STAT5A: variants seen among roughly 807,000 people sequenced by gnomAD.
The protein encoded by STAT5A is signal transducer and activator of transcription 5A.
A neutral mutation model predicts 100.2 loss-of-function variants in STAT5A; 26 were observed. The ratio of observed to expected loss-of-function variants is 0.26; its 90% CI spans 0.19 to 0.36. The LOEUF is 0.36. STAT5A is among the 10% of genes least tolerant of loss of function. The pLI is 1.00. For missense variants in STAT5A, 634 were observed against 1,027.5 expected (o/e 0.62, Z 5.24); for synonymous variants, 330 against 424.3 (o/e 0.78, Z 2.73).
In STAT5A at chr17:42,304,438, G is replaced by T. The variant is rs376624827; in HGVS notation, c.1257+9G>T. 6.2e-7 allele frequency: 1 copy of T among 1,614,212 alleles called. No individual in the cohort carries two copies. Among genetic ancestry groups the T allele is most frequent in the Non-Finnish European group, 8.5e-7 (1 of 1,180,028 alleles). On this transcript the variant is annotated intron_variant, in intron 10 of 18. Transcript: ENST00000590949. The surrounding 1 kb of genome is among the most constrained non-coding windows in gnomAD (Gnocchi z 4.8). ...CCCACTTCAGGAACATGGTGAGGAC[G>T]GGGCCCACCCTCGGAGGGCAGGTCT...
chr17:42,295,210 G>T (rs910646806), intron 4 of STAT5A, among the ~76,000 whole-genome samples: 6 of 152,096 alleles, frequency 3.9e-5, no homozygotes, highest in African/African-American at 1.4e-4. Flanking sequence ...GCAGTCCATG[G>T]TATTGAGTCA....
chr17:42,289,674 T>G, intron 2 of STAT5A, 135 bp downstream of exon 2: 1 of 1,430,950 alleles, frequency 7.0e-7, no homozygotes, highest in Admixed American at 2.7e-5. Context: ...GTGGTGCCCC[T>G]GGGAAAGGGG....
chr17:42,298,621 G>A (rs112225198), intron 5 of STAT5A, among the ~76,000 whole-genome samples: 13,793 of 151,932 alleles, frequency 0.091, 706 homozygotes, highest in African/African-American at 0.11. Flanking sequence ...ACAGGCACCC[G>A]CCACCATGCC....
At chr17:42,305,763 GC>G in intron 12 of STAT5A, 61 bp downstream of exon 12, 1 of 1,561,844 alleles carries the variant, frequency 6.4e-7, no homozygotes, top group Non-Finnish European at 8.8e-7. Context: ...CCTGGGGTCA[GC>G]CCCACCCCTT....
chr17:42,292,971 G>C (rs1486729002), intron 4 of STAT5A, among the ~76,000 whole-genome samples: 2 of 152,078 alleles, frequency 1.3e-5, no homozygotes, highest in Non-Finnish European at 2.9e-5. Flanking sequence ...ATACCTATCT[G>C]TGTCAGAAGA....
At chr17:42,306,045 T>C (rs1883058212) in intron 12 of STAT5A, 196 bp from the exon 13 acceptor site, 1 of 938,394 alleles carries the variant, frequency 1.1e-6, no homozygotes, top group Middle Eastern at 2.2e-4. Flanking sequence ...CCTGCATCGG[T>C]TTTCTTCCCT....
rs773148161 is a variant in STAT5A, at chr17:42,309,106, T to TC, written c.2114+10dup. On this transcript the variant is annotated intron_variant, in intron 17 of 18. Coordinates refer to ENST00000590949, the MANE Select transcript of STAT5A (RefSeq NM_001288718.2). Reference sequence around the variant, plus strand: ...CAAGCAAGTGGTCCCTGAGTAAGTGTCCAGGTGGCTGTGGCTCTCCTTCTG... The same window carrying TC: ...CAAGCAAGTGGTCCCTGAGTAAGTGTCCCAGGTGGCTGTGGCTCTCCTTCTG... 61 of 1,613,870 alleles carry TC rather than the reference T, an allele frequency of 3.8e-5. No homozygotes were observed. Among genetic ancestry groups the TC allele is most frequent in the Admixed American group, 8.3e-5 (5 of 60,008 alleles).
chr17:42,294,503 A>C (rs988934280), intron 4 of STAT5A, among the ~76,000 whole-genome samples: 1 of 152,198 alleles, frequency 6.6e-6, no homozygotes, highest in Non-Finnish European at 1.5e-5. Context: ...ATCCTTGTGC[A>C]GGGAGACAGA....
Position 42,288,754 on chromosome 17 carries a change from G to T in STAT5A, c.-11+156G>T, listed in dbSNP as rs1000753273. The stretch of plus-strand genomic sequence containing the variant: ...AGTTGGCCCAGCGCAGACGAGGGAC[G>T]GGGGGACGTGGGGACAGGGGTCGGG... On this transcript the variant is annotated intron_variant, in intron 1 of 18. Coordinates refer to ENST00000590949, the MANE Select transcript of STAT5A (RefSeq NM_001288718.2). This position sits in a 1 kb window ranked among gnomAD's most constrained non-coding sequence, Gnocchi z 4.8. 2.0e-5 allele frequency among the ~76,000 whole-genome samples: 3 copies of T among 152,186 alleles called. No homozygotes were observed. The highest frequency in any genetic ancestry group is 2.1e-4 in the South Asian group (1 of 4,832).
At position 42,288,977 on chromosome 17, in the gene STAT5A, G is replaced by A. The variant is rs1483181502; in HGVS notation, c.-11+379G>A. ...CCCTAGCCGTCGAGTGGGAGCCGTC[G>A]TGGCGCTGGCCTAACTTCGGGTTGG... On this transcript the variant is annotated intron_variant, in intron 1 of 18. Coordinates refer to ENST00000590949, the MANE Select transcript of STAT5A (RefSeq NM_001288718.2). The surrounding 1 kb of genome is among the most constrained non-coding windows in gnomAD (Gnocchi z 4.8). 6.6e-6 allele frequency among the ~76,000 whole-genome samples: 1 copy of A among 152,224 alleles called. No homozygotes were observed. The highest frequency in any genetic ancestry group is 1.5e-5 in the Non-Finnish European group (1 of 68,032).
chr17:42,302,540 C>T (rs935346627), intron 9 of STAT5A, among the ~76,000 whole-genome samples: 2 of 152,150 alleles, frequency 1.3e-5, no homozygotes, highest in African/African-American at 2.4e-5. Flanking sequence ...AAGTAGTGTC[C>T]AGTGTCAGGG....
At position 42,290,019 on chromosome 17, in the gene STAT5A, C is replaced by T. The variant is rs148287885; in HGVS notation, c.282C>T (p.Leu94=). The T allele has an allele frequency of 9.6e-5, 154 of 1,611,860 alleles. 1 individual carries two copies. In the African/African-American group the frequency reaches 1.7e-3, roughly 18 times the overall value. ...KIKLGHYATQ[L]QKTYDRCPLE... is the part of the protein sequence containing the mutation. ...AGCTGGGGCACTACGCCACGCAGCT[C>T]CAGGTGGGTGTAGGCTCTGGGCCAC... Residue 94 remains leucine, a synonymous_variant, in exon 3 of 19, where the codon CTC becomes CTT. Coordinates refer to ENST00000590949, the MANE Select transcript of STAT5A (RefSeq NM_001288718.2).
intron 4 of STAT5A, 104 bp from the exon 5 acceptor site, chr17:42,295,515 T>G: frequency 1.6e-6 from 2 of 1,213,564 alleles, no homozygotes; most frequent in Non-Finnish European, 2.3e-6. Flanking sequence ...CTTACCCTAG[T>G]TTGGGGTTTG....
intron 12 of STAT5A, 31 bp downstream of exon 12, chr17:42,305,733 C>A (rs772825500): frequency 6.2e-7 from 1 of 1,608,458 alleles, no homozygotes; most frequent in Non-Finnish European, 8.5e-7. Flanking sequence ...TACCCCAGCA[C>A]CCCCAGGCCC....
intron 13 of STAT5A, 126 bp from the exon 14 acceptor site, chr17:42,307,276 G>T: frequency 1.1e-6 from 1 of 874,888 alleles, no homozygotes; most frequent in South Asian, 1.5e-5. Context: ...TGGTCTGCTG[G>T]AGTGTGGTGG....
At chr17:42,289,598 C>G (rs2080850187) in intron 2 of STAT5A, 59 bp downstream of exon 2, 12 of 1,576,610 alleles carry the variant, frequency 7.6e-6, no homozygotes, top group South Asian at 7.0e-5. Context: ...GCCCTTTGGC[C>G]TCTAGTTTTA....
rs866679330 is a variant in STAT5A at position 42,301,450 on chromosome 17, C to T, written c.1165C>T (p.Arg389Cys). The change falls in exon 9 of 19, where the codon CGC (arginine) becomes TGC (cysteine). Residue 389 changes from arginine to cysteine, a missense_variant. Physicochemically the swap from Arg to Cys is radical, Grantham distance 180. This residue lies in a region of STAT5A where 98 missense variants were observed against 149.7 expected (regional missense o/e 0.65). Transcript: ENST00000590949. The stretch of plus-strand genomic sequence containing the variant: ...GTCTCTGCTTAAAAATGAGAACACC[C>T]GCAAGTAATTGTGCCTCTCCCTTCC... The part of the protein sequence containing the change: ...AKSLLKNENT[R>C]NECSGEILNN... The T allele has an allele frequency of 1.9e-5, 31 of 1,613,998 alleles. 1 individual carries two copies. The Middle Eastern group carries it at 2.5e-3, about 128-fold the overall frequency.
intron 12 of STAT5A, 71 bp downstream of exon 12, chr17:42,305,773 T>C: frequency 1.3e-6 from 2 of 1,517,712 alleles, no homozygotes; most frequent in Admixed American, 3.5e-5. Flanking sequence ...GCCCCACCCC[T>C]TGGGCCCCTG....
chr17:42,289,198 C>G lies in STAT5A; in HGVS notation c.-10-204C>G, dbSNP rs75810635. 5.9e-6 allele frequency: 3 copies of G among 505,168 alleles called. No homozygotes were observed. In the East Asian group the frequency reaches 1.0e-4, roughly 18 times the overall value. The allele number at this position is 505,168 out of a possible 1,614,324, so 31.3% of individuals were successfully genotyped here. A position where few individuals can be genotyped will look rare whatever the true frequency, so the allele number is the denominator to read the frequency against. ...CTGCCTCTGCAGAGCACCTTCCCCT[C>G]CCCTTCAGCGGGTTCCTTGTTGGAG... On this transcript the variant is annotated intron_variant, in intron 1 of 18. Transcript: ENST00000590949.
Sources: gnomAD v4.1 joint callset for allele counts (sites outside exome capture counted in the v4.1 genomes callset) on GRCh38, gnomAD v4.1.1 for gene constraint, gnomAD v4.1.1 regional missense constraint, Gnocchi (gnomAD v3.1) non-coding constraint, MANE v1.5 for transcripts, NCBI Gene and HGNC (gene_info 2026-07-23, HGNC 2026-07-21) for gene names.